The following SLC13A4 variants were observed in gnomAD, a reference collection of about 807,000 sequenced individuals.
The protein encoded by SLC13A4 is Na(+)/sulfate cotransporter SUT-1.
A neutral mutation model predicts 72.7 loss-of-function variants in SLC13A4; 28 were observed. The ratio of observed to expected loss-of-function variants is 0.39; its 90% CI spans 0.29 to 0.53. The LOEUF is 0.53. Among genes scored for constraint, SLC13A4 ranks in the 20% least tolerant of loss-of-function variants. The pLI is 0.78. For synonymous variants in SLC13A4, 312 were observed against 325.5 expected (o/e 0.96, Z 0.45); for missense variants, 653 against 788.0 (o/e 0.83, Z 2.05).
chr7:135,701,550 T>G (rs1584727061), intron 7 of SLC13A4, 130 bp downstream of exon 7: 1 of 764,484 alleles, frequency 1.3e-6, no homozygotes. Flanking sequence ...GCCAGACATG[T>G]ATGAGAGTAA....
Position 135,691,319 on chromosome 7 carries a change from TTC to T in SLC13A4, c.1326_1327del (p.Asn443ProfsTer38), listed in dbSNP as rs766343348. ...CTCGGTCCCCAGTGAGTGCTCCTGG[TTC>T]TCTCCTGGATTAGAGAGAGATGTAA... On this transcript the variant is annotated frameshift_variant, in exon 13 of 16. Coordinates refer to ENST00000682651, the MANE Select transcript of SLC13A4 (RefSeq NM_001318192.2). LOFTEE classifies it high-confidence loss of function. The T allele has an allele frequency of 6.2e-7, 1 of 1,612,952 alleles. No individual in the cohort carries two copies. The highest frequency in any genetic ancestry group is 8.5e-7 in the Non-Finnish European group (1 of 1,179,522).
intron 13 of SLC13A4, among the ~76,000 whole-genome samples, chr7:135,690,087 A>G (rs771998316): frequency 2.0e-5 from 3 of 147,738 alleles, no homozygotes; most frequent in Non-Finnish European, 4.5e-5. Flanking sequence ...AGGCTGAGGC[A>G]TGAGAATTGC....
chr7:135,685,268 C>T lies in SLC13A4; in HGVS notation c.1608+254G>A, dbSNP rs578095876. Among the ~76,000 whole-genome samples, 4 of 152,300 alleles carry T rather than the reference C, an allele frequency of 2.6e-5. No individual in the cohort carries two copies. In the South Asian group the frequency reaches 6.2e-4, roughly 24 times the overall value. The stretch of plus-strand genomic sequence containing the variant: ...TTCTTTGGTTTCCACTCAGGGCTGC[C>T]CCTAAACTAATCCTACTCTTTTGGA... On this transcript the variant is annotated intron_variant, in intron 14 of 15. Coordinates refer to ENST00000682651, the MANE Select transcript of SLC13A4 (RefSeq NM_001318192.2).
intron 3 of SLC13A4, chr7:135,707,558 G>A: frequency 6.6e-6 from 1 of 152,468 alleles, no homozygotes. Flanking sequence ...GGTACAGGCA[G>A]GGGAATCCAA....
chr7:135,691,552 A>T lies in SLC13A4; in HGVS notation c.1317T>A (p.Asn439Lys). 1.9e-6 allele frequency: 3 copies of T among 1,611,044 alleles called. No homozygotes were observed. The highest frequency in any genetic ancestry group is 2.5e-6 in the Non-Finnish European group (3 of 1,177,270). ...CAGTTTCTTCCCTTCTCTCACCATC[A>T]TTCTTTTTCCCAAAGCAGGGCTTCT... ...PAKKPCFGKKNDGENQEHSLG... is the reference protein window; with the variant it reads ...PAKKPCFGKKKDGENQEHSLG... Residue 439 changes from asparagine to lysine, a missense_variant, in exon 12 of 16, where the codon AAT (asparagine) becomes AAA (lysine). By Grantham distance (94) the Asn-to-Lys change is moderately conservative. Coordinates refer to ENST00000682651, the MANE Select transcript of SLC13A4 (RefSeq NM_001318192.2).
At chr7:135,683,629 C>T (rs766144336) in intron 15 of SLC13A4, 307 of 985,372 alleles carry the variant, frequency 3.1e-4, no homozygotes, top group Middle Eastern at 1.0e-3. Flanking sequence ...GAATGGTGGA[C>T]GCTTCATTTT....
chr7:135,694,876 TTGAAAC>T (rs1313421749), intron 9 of SLC13A4, among the ~76,000 whole-genome samples: 3 of 152,252 alleles, frequency 2.0e-5, no homozygotes, highest in Non-Finnish European at 4.4e-5. Flanking sequence ...CCTTATGTGT[TTGAAAC>T]TGATCAAATT....
chr7:135,687,900 T>C (rs540184117), intron 13 of SLC13A4, among the ~76,000 whole-genome samples: 1 of 152,168 alleles, frequency 6.6e-6, no homozygotes, highest in South Asian at 2.1e-4. Context: ...AACCTCTGCC[T>C]CCCGGGTCCA....
intron 2 of SLC13A4, among the ~76,000 whole-genome samples, chr7:135,714,818 G>A (rs961564415): frequency 8.1e-5 from 12 of 148,768 alleles, no homozygotes; most frequent in African/African-American, 3.1e-4. Context: ...GCGGCACCAG[G>A]CGGCAGCGGC....
At chr7:135,722,870 G>A (rs1173645178) in intron 1 of SLC13A4, among the ~76,000 whole-genome samples, 2 of 152,080 alleles carry the variant, frequency 1.3e-5, no homozygotes, top group South Asian at 2.1e-4. Context: ...GAAGAGGAAG[G>A]CAGCGATCCT....
Position 135,702,867 on chromosome 7 carries a change from A to T in SLC13A4, c.611T>A (p.Leu204His). 1 of 1,613,974 alleles carries T rather than the reference A, an allele frequency of 6.2e-7. No individual in the cohort carries two copies. Among genetic ancestry groups the T allele is most frequent in the Non-Finnish European group, 8.5e-7 (1 of 1,179,838 alleles). The change falls in exon 6 of 16, where the codon CTC becomes CAC. Residue 204 changes from leucine to histidine, a missense_variant. Coordinates refer to ENST00000682651, the MANE Select transcript of SLC13A4 (RefSeq NM_001318192.2). Reference sequence around the variant, plus strand: ...TACCTCGTTGTGCATCAGAGTGGTGAGGTCTGCGTTGGACCTGCTGGAACC... The same window carrying T: ...TACCTCGTTGTGCATCAGAGTGGTGTGGTCTGCGTTGGACCTGCTGGAACC... ...FVNEDRSNAD[L>H]TTLMHNENLN...
At chr7:135,723,491 G>A (rs957678065) in intron 1 of SLC13A4, among the ~76,000 whole-genome samples, 7 of 152,114 alleles carry the variant, frequency 4.6e-5, no homozygotes, top group African/African-American at 1.2e-4. Context: ...ACCAAGCTCC[G>A]TGACTCAGAA....
chr7:135,697,039 TC>T (rs1795919016), intron 8 of SLC13A4, among the ~76,000 whole-genome samples: 1 of 152,244 alleles, frequency 6.6e-6, no homozygotes, highest in Non-Finnish European at 1.5e-5. Flanking sequence ...CTAGGTAATT[TC>T]CTCCACTCCC....
At chr7:135,685,812 T>C (rs756499943) in intron 13 of SLC13A4, 129 bp from the exon 14 acceptor site, 4 of 815,242 alleles carry the variant, frequency 4.9e-6, no homozygotes, top group Non-Finnish European at 7.8e-6. Flanking sequence ...TTAGTCTGAC[T>C]GGAACCAGAG....
chr7:135,691,732 G>T (rs749999107), intron 11 of SLC13A4, 87 bp from the exon 12 acceptor site: 39 of 895,392 alleles, frequency 4.4e-5, no homozygotes, highest in Non-Finnish European at 6.6e-5. Context: ...TCCGAACACA[G>T]TGCCTCTTTT....
At chr7:135,693,100 C>CAAAAAAAAA (rs776332933) in intron 10 of SLC13A4, 1 of 53,108 alleles carries the variant, frequency 1.9e-5, no homozygotes. Context: ...GACTCCATCC[C>CAAAAAAAAA]AAAAAAAAAA....
At position 135,694,388 on chromosome 7, in the gene SLC13A4, T is replaced by C. The variant is rs140334918; in HGVS notation, c.1020-150A>G. ...TCCCTCTATCCCCCACCTATTCATA[T>C]GGCTTTTATCTGCCAAGTTATCCGG... On this transcript the variant is annotated intron_variant, in intron 9 of 15. Coordinates refer to ENST00000682651, the MANE Select transcript of SLC13A4 (RefSeq NM_001318192.2). 2.9e-3 allele frequency: 1,704 copies of C among 596,452 alleles called. 8 individuals carry two copies. Among genetic ancestry groups the C allele is most frequent in the Non-Finnish European group, 4.1e-3 (1,390 of 337,124 alleles). The allele number at this position is 596,452 out of a possible 1,614,324, so 36.9% of individuals were successfully genotyped here.
chr7:135,684,370 G>T, intron 14 of SLC13A4, 109 bp from the exon 15 acceptor site: 1 of 1,335,658 alleles, frequency 7.5e-7, no homozygotes, highest in Non-Finnish European at 1.0e-6. Context: ...ACCTTAGCAG[G>T]ACACTATGTG....
At chr7:135,719,084 A>T (rs1449159662) in intron 2 of SLC13A4, among the ~76,000 whole-genome samples, 1 of 152,214 alleles carries the variant, frequency 6.6e-6, no homozygotes, top group African/African-American at 2.4e-5. Context: ...AAATGATAAG[A>T]CGTGCTTTCT....
Sources: allele counts gnomAD v4.1 joint callset (sites outside exome capture counted in the v4.1 genomes callset), GRCh38; gene constraint gnomAD v4.1.1; transcripts MANE v1.5; gene names NCBI Gene and HGNC (gene_info 2026-07-23, HGNC 2026-07-21).